Variants in BUB1B observed in about 807,000 individuals in gnomAD.
The protein encoded by BUB1B is BUB1 mitotic checkpoint serine/threonine kinase B, also known as mitotic checkpoint serine/threonine-protein kinase BUB1 beta.
Under a neutral mutation model 137.7 loss-of-function variants are expected in BUB1B, and 86 were observed. That is an observed-to-expected ratio of 0.62 (90% CI 0.52 to 0.75). The LOEUF (loss-of-function observed/expected upper bound fraction) is 0.75, where lower values mean the gene tolerates loss of function less well. Ranked by LOEUF, BUB1B falls within the 30% of genes least tolerant of loss-of-function variation. The pLI, the probability that BUB1B is intolerant of heterozygous loss-of-function variation, is 0.00. For synonymous variants in BUB1B, 420 were observed against 417.9 expected (o/e 1.00, Z -0.06); for missense variants, 1,130 against 1,236.9 (o/e 0.91, Z 1.30).
chr15:40,188,864 A>G (rs2037402426), intron 8 of BUB1B, among the ~76,000 whole-genome samples: 1 of 152,124 alleles, frequency 6.6e-6, no homozygotes, highest in Non-Finnish European at 1.5e-5. Flanking sequence ...TACAGGCATG[A>G]GCCACTGCAC....
At chr15:40,199,195 C>T (rs973686306) in intron 9 of BUB1B, among the ~76,000 whole-genome samples, 7 of 152,176 alleles carry the variant, frequency 4.6e-5, no homozygotes, top group South Asian at 4.1e-4. Flanking sequence ...AAGTAGCCCT[C>T]CCTTGGCCTC....
At chr15:40,161,282 G>T in intron 1 of BUB1B, 27 bp downstream of exon 1, 1 of 1,607,986 alleles carries the variant, frequency 6.2e-7, no homozygotes, top group Non-Finnish European at 8.5e-7. Flanking sequence ...GCTGCTGGGG[G>T]CTGGGCCTGA....
rs143061346 is a variant in BUB1B at position 40,211,684 on chromosome 15, G to C, written c.2386-815G>C. Among the ~76,000 whole-genome samples the C allele has an allele frequency of 2.7e-3, 407 of 152,228 alleles. 8 individuals are homozygous for C. The highest frequency in any genetic ancestry group is 0.021 in the Admixed American group (322 of 15,282). ...TTTCTACCCCCCTCAGTGGTGCCTA[G>C]TGCCCTCTAGTCCAGAGCCCTTCTG... On this transcript the variant is annotated intron_variant, in intron 18 of 22. Transcript: ENST00000287598.
At chr15:40,208,909 C>T in intron 16 of BUB1B, 139 bp downstream of exon 16, 1 of 872,400 alleles carries the variant, frequency 1.1e-6, no homozygotes, top group South Asian at 1.4e-5. Context: ...ATCAAACTCA[C>T]TGGGCTCAGG....
At chr15:40,196,806 T>C (rs2037504335) in intron 9 of BUB1B, 32 bp downstream of exon 9, 2 of 1,595,832 alleles carry the variant, frequency 1.3e-6, no homozygotes, top group Admixed American at 1.7e-5. Context: ...GAAGAGGACT[T>C]AACTTAGTTG....
chr15:40,179,634 T>C (rs2037260451), intron 5 of BUB1B, among the ~76,000 whole-genome samples: 1 of 152,134 alleles, frequency 6.6e-6, no homozygotes. Flanking sequence ...TGGGTTTAGG[T>C]CTACTATTTT....
chr15:40,209,879 GT>G, intron 17 of BUB1B, 104 bp downstream of exon 17: 1 of 1,476,476 alleles, frequency 6.8e-7, no homozygotes, highest in Non-Finnish European at 9.4e-7. Flanking sequence ...TTCCTAGATT[GT>G]ATTTTTTAAA....
chr15:40,203,307 C>T (rs1017668220), intron 14 of BUB1B, among the ~76,000 whole-genome samples: 8 of 151,960 alleles, frequency 5.3e-5, no homozygotes, highest in African/African-American at 1.9e-4. Context: ...ATACAAAGAC[C>T]ACATACTATA....
intron 8 of BUB1B, chr15:40,186,909 T>C (rs1329071229): frequency 6.6e-6 from 1 of 151,888 alleles, no homozygotes; most frequent in East Asian, 1.9e-4. Flanking sequence ...TTTTCTTTTT[T>C]TTTTTTTCTT....
intron 2 of BUB1B, among the ~76,000 whole-genome samples, chr15:40,169,609 CT>C (rs893767898): frequency 3.2e-3 from 312 of 96,940 alleles, no homozygotes; most frequent in Middle Eastern, 8.9e-3. Context: ...TATTTCTATT[CT>C]TTTTTTTTTT....
At chr15:40,179,988 A>ATATATC (rs1555381477) in intron 5 of BUB1B, among the ~76,000 whole-genome samples, 10 of 142,574 alleles carry the variant, frequency 7.0e-5, no homozygotes, top group African/African-American at 2.0e-4. Context: ...ATATATATAT[A>ATATATC]TCTCTTAAAT....
intron 15 of BUB1B, among the ~76,000 whole-genome samples, chr15:40,208,006 G>A (rs1369798341): frequency 6.7e-6 from 1 of 150,188 alleles, no homozygotes; most frequent in Non-Finnish European, 1.5e-5. Context: ...CAACCTTTCA[G>A]CTACTTGGGA....
At chr15:40,199,010 C>G (rs1441090355) in intron 9 of BUB1B, among the ~76,000 whole-genome samples, 1 of 152,222 alleles carries the variant, frequency 6.6e-6, no homozygotes, top group Non-Finnish European at 1.5e-5. Context: ...TATGCTGCAA[C>G]TACACTGGAC....
At chr15:40,186,430 C>CTTTTTTTTTTT (rs769074759) in intron 8 of BUB1B, among the ~76,000 whole-genome samples, 4 of 67,362 alleles carry the variant, frequency 5.9e-5, no homozygotes, top group Non-Finnish European at 7.8e-5. Flanking sequence ...TTGCCTAGTT[C>CTTTTTTTTTTT]TTTTTTTTTT....
intron 8 of BUB1B, among the ~76,000 whole-genome samples, chr15:40,189,172 G>C (rs1245388743): frequency 6.7e-6 from 1 of 150,186 alleles, no homozygotes; most frequent in Non-Finnish European, 1.5e-5. Context: ...TTTGTTTTTT[G>C]TGTTTTAGAC....
intron 4 of BUB1B, among the ~76,000 whole-genome samples, chr15:40,171,328 G>A (rs7176000): frequency 3.5e-4 from 54 of 152,180 alleles, no homozygotes; most frequent in Non-Finnish European, 6.0e-4. Context: ...TGGGCTGATC[G>A]CTTCAGCCCA....
intron 10 of BUB1B, 86 bp downstream of exon 10, chr15:40,199,813 C>T (rs1018829291): frequency 1.9e-6 from 2 of 1,056,842 alleles, no homozygotes; most frequent in African/African-American, 1.6e-5. Flanking sequence ...AAAGTCCTCC[C>T]AACCCCCATT....
intron 2 of BUB1B, among the ~76,000 whole-genome samples, chr15:40,166,016 G>A (rs894792134): frequency 1.3e-5 from 2 of 151,786 alleles, no homozygotes; most frequent in Non-Finnish European, 2.9e-5. Flanking sequence ...CCACGCCTGG[G>A]TAATTTTTGT....
At chr15:40,200,211 G>C in intron 10 of BUB1B, 33 bp from the exon 11 acceptor site, 1 of 1,449,828 alleles carries the variant, frequency 6.9e-7, no homozygotes, top group Non-Finnish European at 9.7e-7. Context: ...CTGGATGGGA[G>C]GGACATTGAT....
Sources: gnomAD v4.1 joint callset for allele counts (sites outside exome capture counted in the v4.1 genomes callset) on GRCh38, gnomAD v4.1.1 for gene constraint, MANE v1.5 for transcripts, NCBI Gene and HGNC (gene_info 2026-07-23, HGNC 2026-07-21) for gene names.